XKR9: variants seen among roughly 807,000 people sequenced by gnomAD.
XKR9 encodes XK-related protein 9.
A neutral mutation model predicts 32.0 loss-of-function variants in XKR9; 32 were observed. The ratio of observed to expected loss-of-function variants is 1.00; its 90% CI spans 0.76 to 1.34. The LOEUF (loss-of-function observed/expected upper bound fraction) is 1.34, where lower values mean the gene tolerates loss of function less well. Among genes scored for constraint, XKR9 ranks in the 40% most tolerant of loss-of-function variants. XKR9 has a pLI of 0.00. For synonymous variants in XKR9, 168 were observed against 143.4 expected (o/e 1.17, Z -1.22); for missense variants, 546 against 429.7 (o/e 1.27, Z -2.39).
intron 4 of XKR9, among the ~76,000 whole-genome samples, chr8:70,716,370 C>T (rs948102570): frequency 1.3e-5 from 2 of 152,000 alleles, no homozygotes; most frequent in African/African-American, 2.4e-5. Context: ...TGAAGAACTG[C>T]CCGAGACTGG....
At chr8:70,863,903 T>C in the XKR9 span, among the ~76,000 whole-genome samples, 17 of 152,236 alleles carry the variant, frequency 1.1e-4, no homozygotes, top group African/African-American at 4.1e-4. Flanking sequence ...ACCAATGTAG[T>C]AATTCTTTTT....
chr8:70,963,598 C>T, the XKR9 span, among the ~76,000 whole-genome samples: 3 of 152,154 alleles, frequency 2.0e-5, no homozygotes, highest in African/African-American at 7.2e-5. Context: ...TGTAAAAGTA[C>T]TTCTATTTCT....
At chr8:70,710,211 A>G (rs1805865263) in intron 4 of XKR9, among the ~76,000 whole-genome samples, 1 of 152,198 alleles carries the variant, frequency 6.6e-6, no homozygotes, top group Non-Finnish European at 1.5e-5. Flanking sequence ...TATTCAATAA[A>G]TGGTACTGGG....
chr8:70,902,506 A>G, the XKR9 span, among the ~76,000 whole-genome samples: 7 of 152,208 alleles, frequency 4.6e-5, no homozygotes, highest in Admixed American at 1.3e-4. Context: ...TTGATTTTGT[A>G]TCCTGAGACT....
At chr8:70,842,967 A>C in the XKR9 span, among the ~76,000 whole-genome samples, 1 of 152,250 alleles carries the variant, frequency 6.6e-6, no homozygotes, top group Non-Finnish European at 1.5e-5. Context: ...AAAAAGAAGA[A>C]TGGAGACTTA....
At chr8:70,749,272 G>A (rs539079591) in intron 2 of XKR9, among the ~76,000 whole-genome samples, 178 of 152,268 alleles carry the variant, frequency 1.2e-3, no homozygotes, top group Non-Finnish European at 2.0e-3. Context: ...TAATACAAAC[G>A]GGGCTGAAAC....
chr8:70,873,234 G>A, the XKR9 span, among the ~76,000 whole-genome samples: 16 of 152,298 alleles, frequency 1.1e-4, no homozygotes, highest in Admixed American at 9.2e-4. Context: ...GGAGATGAAT[G>A]TTGTTTTCAT....
chr8:70,979,105 T>C, the XKR9 span, among the ~76,000 whole-genome samples: 2 of 152,188 alleles, frequency 1.3e-5, no homozygotes, highest in East Asian at 1.9e-4. Context: ...TAAGGTCTTC[T>C]CTACACTGCT....
the XKR9 span, among the ~76,000 whole-genome samples, chr8:70,968,530 T>G: frequency 6.6e-6 from 1 of 151,056 alleles, no homozygotes; most frequent in Non-Finnish European, 1.5e-5. Flanking sequence ...GTTTTTTGAG[T>G]TTTTAGCATT....
At chr8:70,862,333 C>A in the XKR9 span, among the ~76,000 whole-genome samples, 1 of 152,148 alleles carries the variant, frequency 6.6e-6, no homozygotes, top group Admixed American at 6.5e-5. Context: ...TGCCTTTTCA[C>A]CCCTAGCTTA....
chr8:70,948,614 C>T, the XKR9 span, among the ~76,000 whole-genome samples: 2 of 152,122 alleles, frequency 1.3e-5, no homozygotes, highest in Non-Finnish European at 2.9e-5. Flanking sequence ...CTTTGTCTAC[C>T]GTCTCCTAAG....
chr8:70,967,348 C>A, the XKR9 span, among the ~76,000 whole-genome samples: 1 of 152,158 alleles, frequency 6.6e-6, no homozygotes, highest in African/African-American at 2.4e-5. Flanking sequence ...GGAATATAGG[C>A]ATGAGCCACC....
At chr8:71,035,517 T>G in the XKR9 span, among the ~76,000 whole-genome samples, 1 of 152,224 alleles carries the variant, frequency 6.6e-6, no homozygotes, top group African/African-American at 2.4e-5. Flanking sequence ...CATTCTCATG[T>G]TGCAACCATA....
chr8:70,858,965 A>T, the XKR9 span, among the ~76,000 whole-genome samples: 5 of 152,122 alleles, frequency 3.3e-5, no homozygotes, highest in South Asian at 1.0e-3. Context: ...TTTGTGTAAG[A>T]CCTCAAAAAC....
Position 70,680,015 on chromosome 8 carries a change from CA to C in XKR9, c.-278-759del, listed in dbSNP as rs1002123983. On this transcript the variant is annotated intron_variant, in intron 2 of 4. Transcript: ENST00000408926. The stretch of plus-strand genomic sequence containing the variant: ...CAGGTCTGTTGTAAAAAAAAAACCT[CA>C]AAAAAATGTAGCAGTATAGAGAGAA... 3.1e-4 allele frequency among the ~76,000 whole-genome samples: 47 copies of C among 151,816 alleles called. 1 individual carries two copies. The highest frequency in any genetic ancestry group is 1.8e-3 in the Admixed American group (28 of 15,236).
At chr8:70,860,599 TCCTC>T in the XKR9 span, among the ~76,000 whole-genome samples, 1 of 152,140 alleles carries the variant, frequency 6.6e-6, no homozygotes, top group South Asian at 2.1e-4. Flanking sequence ...TTCTTCCTCT[TCCTC>T]CTCCTCCAGC....
At chr8:70,683,150 A>G (rs920708825) in intron 3 of XKR9, among the ~76,000 whole-genome samples, 5 of 152,200 alleles carry the variant, frequency 3.3e-5, no homozygotes. Flanking sequence ...CTTTGCCGGG[A>G]GCATTGGTCT....
the XKR9 span, among the ~76,000 whole-genome samples, chr8:70,844,914 G>A: frequency 6.6e-6 from 1 of 152,198 alleles, no homozygotes; most frequent in Non-Finnish European, 1.5e-5. Context: ...CCAAGGATCT[G>A]CCTACCTACC....
the XKR9 span, among the ~76,000 whole-genome samples, chr8:71,027,946 AT>A: frequency 1.3e-3 from 197 of 152,066 alleles, 2 homozygotes; most frequent in African/African-American, 4.5e-3. Context: ...ATTAAAAAAA[AT>A]TTTTTTTGTA....
Sources: gnomAD v4.1 joint callset for allele counts (sites outside exome capture counted in the v4.1 genomes callset) on GRCh38, gnomAD v4.1.1 for gene constraint, MANE v1.5 for transcripts, NCBI Gene and HGNC (gene_info 2026-07-23, HGNC 2026-07-21) for gene names.